The following ADAMTS6 variants were observed in gnomAD, a reference collection of about 807,000 sequenced individuals.
ADAMTS6 encodes the protein ADAM metallopeptidase with thrombospondin type 1 motif 6.
ADAMTS6 carries 23 observed loss-of-function variants against 144.3 expected under a neutral mutation model. The observed-to-expected ratio is 0.16, with a 90% CI of 0.11 to 0.23. ADAMTS6 has a LOEUF of 0.23. Among genes scored for constraint, ADAMTS6 ranks in the 10% least tolerant of loss-of-function variants. ADAMTS6 has a pLI of 1.00. For synonymous variants in ADAMTS6, 444 were observed against 457.5 expected, an observed-to-expected ratio of 0.97 and a Z score of 0.38; for missense variants, 999 against 1,379.6, an observed-to-expected ratio of 0.72 and a Z score of 4.37.
intron 14 of ADAMTS6, among the ~76,000 whole-genome samples, chr5:65,246,076 C>T (rs1759609357): frequency 6.6e-6 from 1 of 152,120 alleles, no homozygotes; most frequent in Non-Finnish European, 1.5e-5. Flanking sequence ...CTATAATTAT[C>T]TCCAAAGCGG....
At chr5:65,357,372 G>T (rs1308573546) in intron 7 of ADAMTS6, among the ~76,000 whole-genome samples, 1 of 151,568 alleles carries the variant, frequency 6.6e-6, no homozygotes, top group Non-Finnish European at 1.5e-5. Context: ...TCTTACATTT[G>T]TAAGAGGAAA....
At chr5:65,429,135 C>A (rs978881493) in intron 7 of ADAMTS6, among the ~76,000 whole-genome samples, 3 of 152,280 alleles carry the variant, frequency 2.0e-5, no homozygotes, top group South Asian at 4.1e-4. Flanking sequence ...ACCTAACTGA[C>A]CTTTCCCTGA....
intron 18 of ADAMTS6, among the ~76,000 whole-genome samples, chr5:65,218,298 T>G (rs1215199616): frequency 6.6e-6 from 1 of 152,074 alleles, no homozygotes; most frequent in Non-Finnish European, 1.5e-5. Flanking sequence ...TATTCTGGAT[T>G]TACCCAAACA....
intron 10 of ADAMTS6, chr5:65,297,333 T>C (rs962111629): frequency 4.6e-6 from 2 of 439,530 alleles, no homozygotes; most frequent in African/African-American, 4.1e-5. Flanking sequence ...AGACTTTGTA[T>C]TCTATTGGCC....
At chr5:65,369,289 C>T (rs1458705003) in intron 7 of ADAMTS6, among the ~76,000 whole-genome samples, 1 of 151,960 alleles carries the variant, frequency 6.6e-6, no homozygotes. Context: ...AAGTTTATAG[C>T]CCACAAGTTA....
At position 65,460,202 on chromosome 5, in the gene ADAMTS6, T is replaced by A. The variant is rs752419272; in HGVS notation, c.599A>T (p.His200Leu). 1 of 1,614,090 alleles carries A rather than the reference T, an allele frequency of 6.2e-7. No individual in the cohort carries two copies. Among genetic ancestry groups the A allele is most frequent in the South Asian group, 1.1e-5 (1 of 91,074 alleles). The change falls in exon 4 of 25, where the codon CAT becomes CTT. Residue 200 changes from histidine (H) to leucine (L), a missense_variant. This residue lies in a region of ADAMTS6 where 252 missense variants were observed against 293.7 expected (regional missense o/e 0.86). Coordinates refer to ENST00000381055, the MANE Select transcript of ADAMTS6 (RefSeq NM_197941.4). ...IYKKSALQQRHLYDHSHCGVS... is the reference protein window; with the variant it reads ...IYKKSALQQRLLYDHSHCGVS... ...CCCACAATGAGAGTGATCATACAGA[T>A]GTCGTTGTTGAAGGGCAGACTTTTT...
Position 65,391,736 on chromosome 5 carries a change from TTAAC to T in ADAMTS6, c.1074-57655_1074-57652del, listed in dbSNP as rs1453240508. Among the ~76,000 whole-genome samples, 60 of 151,250 alleles carry T rather than the reference TTAAC, an allele frequency of 4.0e-4. 1 individual carries two copies. Among genetic ancestry groups the T allele is most frequent in the East Asian group, 2.1e-3 (11 of 5,158 alleles). On this transcript the variant is annotated intron_variant, in intron 7 of 24. Coordinates refer to ENST00000381055, the MANE Select transcript of ADAMTS6 (RefSeq NM_197941.4). ...AACAGCCTCTTTGTCTTTTACAACATTAACTTTTTTTTTTTTTTGAGACAGAGTC... is the reference window on the plus strand; with the variant it reads ...AACAGCCTCTTTGTCTTTTACAACATTTTTTTTTTTTTTTGAGACAGAGTC...
At chr5:65,189,592 A>G (rs1754885454) in intron 21 of ADAMTS6, among the ~76,000 whole-genome samples, 1 of 152,200 alleles carries the variant, frequency 6.6e-6, no homozygotes, top group Admixed American at 6.5e-5. Context: ...AGCCAGCTCA[A>G]GTTGAAGTTT....
At chr5:65,162,574 A>G (rs1438410812) in intron 24 of ADAMTS6, among the ~76,000 whole-genome samples, 1 of 151,782 alleles carries the variant, frequency 6.6e-6, no homozygotes, top group Non-Finnish European at 1.5e-5. Flanking sequence ...TTCTTCATTA[A>G]TAATACCAAC....
In ADAMTS6 at chr5:65,206,655, G is replaced by C. The variant is rs1040532395; in HGVS notation, c.2575+8139C>G. On this transcript the variant is annotated intron_variant, in intron 20 of 24. Coordinates refer to ENST00000381055, the MANE Select transcript of ADAMTS6 (RefSeq NM_197941.4). The stretch of plus-strand genomic sequence containing the variant: ...GTGGAAGTTGCAGTGAGCCATGATC[G>C]TGCCACTGCACTCCAGCCTGGGCAA... 2.8e-5 allele frequency among the ~76,000 whole-genome samples: 4 copies of C among 142,928 alleles called. No homozygotes were observed. The Admixed American group carries it at 2.9e-4, about 10-fold the overall frequency. 93.8% of individuals were successfully genotyped at this position (142,928 alleles called of 152,430 possible).
At chr5:65,326,405 T>G (rs1317748927) in intron 9 of ADAMTS6, among the ~76,000 whole-genome samples, 1 of 152,198 alleles carries the variant, frequency 6.6e-6, no homozygotes, top group African/African-American at 2.4e-5. Context: ...ATAAATTTCT[T>G]GTTTTCACAA....
At chr5:65,420,658 G>T (rs1182318992) in intron 7 of ADAMTS6, among the ~76,000 whole-genome samples, 1 of 90,266 alleles carries the variant, frequency 1.1e-5, no homozygotes, top group African/African-American at 9.0e-5. Flanking sequence ...TGGGATTACA[G>T]GCGTGACCAC....
intron 14 of ADAMTS6, among the ~76,000 whole-genome samples, chr5:65,254,298 A>C (rs1488429677): frequency 6.6e-6 from 1 of 152,174 alleles, no homozygotes; most frequent in Non-Finnish European, 1.5e-5. Context: ...CTCTTTCCGC[A>C]AAATTGCACA....
intron 18 of ADAMTS6, among the ~76,000 whole-genome samples, chr5:65,222,029 T>C (rs1405636764): frequency 6.6e-6 from 1 of 152,210 alleles, no homozygotes; most frequent in East Asian, 1.9e-4. Flanking sequence ...GAAAATTCAG[T>C]ATTTTTAAGA....
At chr5:65,342,739 A>T (rs994727507) in intron 7 of ADAMTS6, among the ~76,000 whole-genome samples, 1 of 152,170 alleles carries the variant, frequency 6.6e-6, no homozygotes, top group Non-Finnish European at 1.5e-5. Flanking sequence ...AAGAGCATCC[A>T]AATTGGAAAG....
chr5:65,408,444 GCTAA>G (rs1754763719), intron 7 of ADAMTS6, among the ~76,000 whole-genome samples: 1 of 152,260 alleles, frequency 6.6e-6, no homozygotes, highest in East Asian at 1.9e-4. Context: ...AACAAGAAGA[GCTAA>G]CTATCTTAAA....
intron 9 of ADAMTS6, 58 bp from the exon 10 acceptor site, chr5:65,300,189 C>A: frequency 1.3e-6 from 2 of 1,522,932 alleles, no homozygotes; most frequent in Non-Finnish European, 1.8e-6. Flanking sequence ...CCCAACACAT[C>A]CCTTATTTCC....
rs1317714766 is a variant in ADAMTS6 at position 65,214,782 on chromosome 5, T to A, written c.2575+12A>T. Reference sequence around the variant, plus strand: ...CTTGCCCTCTGGGTGGGCTGCCTAGTGGGCATCTTACCTCCAGCACAAGTA... The same window carrying A: ...CTTGCCCTCTGGGTGGGCTGCCTAGAGGGCATCTTACCTCCAGCACAAGTA... On this transcript the variant is annotated intron_variant, in intron 20 of 24. Coordinates refer to ENST00000381055, the MANE Select transcript of ADAMTS6 (RefSeq NM_197941.4). The surrounding 1 kb of genome is among the most constrained non-coding windows in gnomAD (Gnocchi z 4.6). 2 of 1,614,128 alleles carry A rather than the reference T, an allele frequency of 1.2e-6. No homozygotes were observed. The highest frequency in any genetic ancestry group is 8.5e-7 in the Non-Finnish European group (1 of 1,179,996).
intron 7 of ADAMTS6, among the ~76,000 whole-genome samples, chr5:65,450,705 G>T (rs983389526): frequency 8.5e-5 from 13 of 152,090 alleles, no homozygotes; most frequent in African/African-American, 3.1e-4. Context: ...TATAATCAAA[G>T]ACAGGATCAC....
Sources: gnomAD v4.1 joint callset for allele counts (sites outside exome capture counted in the v4.1 genomes callset) on GRCh38, gnomAD v4.1.1 for gene constraint, gnomAD v4.1.1 regional missense constraint, Gnocchi (gnomAD v3.1) non-coding constraint, MANE v1.5 for transcripts, NCBI Gene and HGNC (gene_info 2026-07-23, HGNC 2026-07-21) for gene names.